The following CELF5 variants were observed in gnomAD, a reference collection of about 807,000 sequenced individuals.
CELF5 encodes the protein CUG-BP and ETR-3 like factor 5.
In CELF5, 6 loss-of-function variants were observed where a neutral mutation model predicts 54.9. The observed-to-expected ratio is 0.11, with a 90% confidence interval of 0.06 to 0.22. The LOEUF (loss-of-function observed/expected upper bound fraction) is 0.22, where lower values mean the gene tolerates loss of function less well. Among genes scored for constraint, CELF5 ranks in the 10% least tolerant of loss-of-function variants. The pLI, the probability that CELF5 is intolerant of heterozygous loss-of-function variation, is 1.00. For missense variants in CELF5, 401 were observed against 678.6 expected (o/e 0.59, Z 4.54); for synonymous variants, 271 against 290.9 (o/e 0.93, Z 0.70).
intron 4 of CELF5, 39 bp downstream of exon 4, chr19:3,276,023 C>G (rs766787304): frequency 1.2e-5 from 2 of 170,972 alleles, no homozygotes; most frequent in Non-Finnish European, 2.0e-5. Context: ...CGAGAGGGGC[C>G]GGGCTAGCTC....
chr19:3,231,645 T>G (rs1317214808), intron 1 of CELF5, among the ~76,000 whole-genome samples: 1 of 143,562 alleles, frequency 7.0e-6, no homozygotes, highest in Non-Finnish European at 1.5e-5. Context: ...GGTGGATGGA[T>G]GGATGGATGG....
chr19:3,234,879 GC>G (rs1391239915), intron 1 of CELF5, among the ~76,000 whole-genome samples: 4 of 151,812 alleles, frequency 2.6e-5, no homozygotes, highest in Non-Finnish European at 5.9e-5. Flanking sequence ...CTTGTCCCTG[GC>G]TCCCACCTTC....
intron 1 of CELF5, among the ~76,000 whole-genome samples, chr19:3,245,725 C>A (rs945216398): frequency 6.6e-6 from 1 of 152,040 alleles, no homozygotes; most frequent in African/African-American, 2.4e-5. Context: ...GAATAAAATT[C>A]GGAAAACAAA....
Position 3,251,000 on chromosome 19 carries a change from C to G in CELF5, c.275C>G (p.Thr92Ser). Reference sequence around the variant, plus strand: ...TCCCTTCCAGGCTGTGCCTTCCTCACCTACTGTGCCAGGGATTCCGCCATC... The same window carrying G: ...TCCCTTCCAGGCTGTGCCTTCCTCAGCTACTGTGCCAGGGATTCCGCCATC... Reference protein sequence around the residue: ...TGMHKGCAFLTYCARDSAIKA... With the variant: ...TGMHKGCAFLSYCARDSAIKA... Residue 92 changes from threonine to serine, a missense_variant, in exon 2 of 13, where the codon ACC becomes AGC. Transcript: ENST00000292672. 1 of 1,613,956 alleles carries G rather than the reference C, an allele frequency of 6.2e-7. No homozygotes were observed. The highest frequency in any genetic ancestry group is 8.5e-7 in the Non-Finnish European group (1 of 1,179,910).
At chr19:3,269,797 T>C (rs1010185936) in intron 2 of CELF5, among the ~76,000 whole-genome samples, 2 of 152,150 alleles carry the variant, frequency 1.3e-5, no homozygotes, top group African/African-American at 4.8e-5. Context: ...GGTCTGGCTC[T>C]GTCGTCCACG....
At chr19:3,237,577 G>A (rs1457517152) in intron 1 of CELF5, among the ~76,000 whole-genome samples, 3 of 152,136 alleles carry the variant, frequency 2.0e-5, no homozygotes, top group Admixed American at 1.3e-4. Flanking sequence ...GCATGCTAAT[G>A]CATTATAATT....
intron 1 of CELF5, among the ~76,000 whole-genome samples, chr19:3,230,640 G>C (rs1161188382): frequency 6.6e-6 from 1 of 152,186 alleles, no homozygotes; most frequent in Non-Finnish European, 1.5e-5. Context: ...AGAGTTTAGA[G>C]CAGGGAGGAA....
chr19:3,287,942 C>A (rs1223811969), intron 10 of CELF5, among the ~76,000 whole-genome samples: 1 of 152,238 alleles, frequency 6.6e-6, no homozygotes, highest in Middle Eastern at 3.4e-3. Flanking sequence ...GAAACGGCAT[C>A]GAAAGGGTTG....
intron 2 of CELF5, among the ~76,000 whole-genome samples, chr19:3,265,424 C>A (rs1350195719): frequency 6.6e-6 from 1 of 152,220 alleles, no homozygotes; most frequent in Non-Finnish European, 1.5e-5. Context: ...CTGCTCTCTG[C>A]AGAGCAGGGC....
rs570028216 is a variant in CELF5, at chr19:3,263,540, G to A, written c.343-10332G>A. Among the ~76,000 whole-genome samples the A allele has an allele frequency of 8.6e-5, 13 of 151,880 alleles. No homozygotes were observed. In the South Asian group the frequency reaches 2.5e-3, roughly 29 times the overall value. ...TGTGCCACTGCACTCCAGCCTGGGC[G>A]ACAGAACAAGACACTGTTTCTAGAA... is the stretch of plus-strand genomic sequence containing the variant. On this transcript the variant is annotated intron_variant, in intron 2 of 12. Transcript: ENST00000292672.
At chr19:3,235,143 C>A (rs1917473156) in intron 1 of CELF5, among the ~76,000 whole-genome samples, 1 of 152,204 alleles carries the variant, frequency 6.6e-6, no homozygotes, top group Non-Finnish European at 1.5e-5. Context: ...GGTCCTACTC[C>A]AGGACCTTTG....
Position 3,278,184 on chromosome 19 carries a change from A to G in CELF5, c.603+74A>G. 3 of 1,044,542 alleles carry G rather than the reference A, an allele frequency of 2.9e-6. No homozygotes were observed. Among genetic ancestry groups the G allele is most frequent in the Non-Finnish European group, 4.3e-6 (3 of 703,072 alleles). The allele number at this position is 1,044,542 out of a possible 1,614,324, so 64.7% of individuals were successfully genotyped here. ...GAGGGGGACAGGGATGAAACAGGCC[A>G]TATTCCTACCGTCGCTGTCATCCGG... On this transcript the variant is annotated intron_variant, in intron 5 of 12. Transcript: ENST00000292672. The surrounding 1 kb of genome is among the most constrained non-coding windows in gnomAD (Gnocchi z 4.5).
intron 8 of CELF5, 155 bp from the exon 9 acceptor site, chr19:3,284,747 T>C: frequency 1.5e-6 from 1 of 667,460 alleles, no homozygotes; most frequent in Non-Finnish European, 2.7e-6. Context: ...TGGCTTCACC[T>C]TCCTCGGCCT....
intron 1 of CELF5, among the ~76,000 whole-genome samples, chr19:3,243,379 C>T (rs1327498922): frequency 1.3e-5 from 2 of 152,132 alleles, no homozygotes; most frequent in Non-Finnish European, 2.9e-5. Context: ...GGCCCAGGCT[C>T]AAGCGATTCT....
chr19:3,273,981 G>A (rs2080007620), intron 3 of CELF5, 58 bp downstream of exon 3: 1 of 1,544,876 alleles, frequency 6.5e-7, no homozygotes, highest in Non-Finnish European at 8.9e-7. Flanking sequence ...GGAGAAGAAG[G>A]AAAATCTCTT....
intron 1 of CELF5, among the ~76,000 whole-genome samples, chr19:3,242,755 G>A (rs1054770498): frequency 3.2e-4 from 48 of 152,058 alleles, no homozygotes; most frequent in African/African-American, 1.1e-3. Context: ...ACAGTGAGCC[G>A]AGATTGTGCC....
chr19:3,235,526 ATAGGTGGGTGGG>A, intron 1 of CELF5, among the ~76,000 whole-genome samples: 4 of 536 alleles, frequency 7.5e-3, no homozygotes, highest in African/African-American at 0.021. Flanking sequence ...GGATGGATGA[ATAGGTGGGTGGG>A]TGGATGGGTG....
At chr19:3,257,353 C>T (rs1245582564) in intron 2 of CELF5, among the ~76,000 whole-genome samples, 2 of 152,126 alleles carry the variant, frequency 1.3e-5, no homozygotes, top group Non-Finnish European at 2.9e-5. Context: ...GAAGAGGAAG[C>T]AGAGACAGGA....
At chr19:3,247,152 A>T (rs191353031) in intron 1 of CELF5, among the ~76,000 whole-genome samples, 72 of 152,248 alleles carry the variant, frequency 4.7e-4, no homozygotes, top group African/African-American at 1.6e-3. Flanking sequence ...TTGTTGAGAC[A>T]GTCTGACTGT....
Sources: allele counts gnomAD v4.1 joint callset (sites outside exome capture counted in the v4.1 genomes callset), GRCh38; gene constraint gnomAD v4.1.1; non-coding constraint Gnocchi (gnomAD v3.1); transcripts MANE v1.5; gene names NCBI Gene and HGNC (gene_info 2026-07-23, HGNC 2026-07-21).